The following DERA variants were observed in gnomAD, a reference collection of about 807,000 sequenced individuals.
The protein encoded by DERA is deoxyribose-phosphate aldolase, also known as 2-deoxy-D-ribose 5-phosphate aldolase.
A neutral mutation model predicts 41.1 loss-of-function variants in DERA; 15 were observed. That is an observed-to-expected ratio of 0.37 (90% CI 0.24 to 0.56). The LOEUF (loss-of-function observed/expected upper bound fraction) is 0.56. Among genes scored for constraint, DERA ranks in the 20% least tolerant of loss-of-function variants. DERA has a pLI of 0.81. For missense variants in DERA, 396 were observed against 403.4 expected, an observed-to-expected ratio of 0.98 and a Z score of 0.16; for synonymous variants, 139 against 137.4, an observed-to-expected ratio of 1.01 and a Z score of -0.08.
At position 15,992,499 on chromosome 12, in the gene DERA, G is replaced by A. The variant is rs527727444; in HGVS notation, c.637+10063G>A. On this transcript the variant is annotated intron_variant, in intron 6 of 8. Transcript: ENST00000428559. The surrounding 1 kb of genome is among the most constrained non-coding windows in gnomAD (Gnocchi z 4.3). Reference sequence around the variant, plus strand: ...AGGGAGAACTTTTTGCTTTGGTTTTGGGGTTGAAGAAAAATTGATCTTCCA... The same window carrying A: ...AGGGAGAACTTTTTGCTTTGGTTTTAGGGTTGAAGAAAAATTGATCTTCCA... 4.6e-5 allele frequency among the ~76,000 whole-genome samples: 7 copies of A among 152,226 alleles called. No homozygotes were observed. The South Asian group carries it at 1.5e-3, about 32-fold the overall frequency.
intron 1 of DERA, among the ~76,000 whole-genome samples, chr12:15,929,281 G>T (rs1313415667): frequency 6.6e-6 from 1 of 152,200 alleles, no homozygotes; most frequent in Non-Finnish European, 1.5e-5. Flanking sequence ...AAAACCAGCC[G>T]CCTTGTCAAA....
At position 16,010,471 on chromosome 12, in the gene DERA, T is replaced by G. The variant is rs371298994; in HGVS notation, c.638-22071T>G. On this transcript the variant is annotated intron_variant, in intron 6 of 8. Transcript: ENST00000428559. The surrounding 1 kb of genome is among the most constrained non-coding windows in gnomAD (Gnocchi z 5.5). The stretch of plus-strand genomic sequence containing the variant: ...TACCCATAGATGAGGTTTTCCGAGT[T>G]CTGCTGCTTTCCCCTTTGCCAGCAT... Among the ~76,000 whole-genome samples the G allele has an allele frequency of 9.2e-5, 14 of 151,712 alleles. No homozygotes were observed. Among genetic ancestry groups the G allele is most frequent in the South Asian group, 4.2e-4 (2 of 4,804 alleles).
In DERA at chr12:16,000,228, C is replaced by T. The variant is rs1948865366; in HGVS notation, c.637+17792C>T. On this transcript the variant is annotated intron_variant, in intron 6 of 8. Coordinates refer to ENST00000428559, the MANE Select transcript of DERA (RefSeq NM_015954.4). The surrounding 1 kb of genome is among the most constrained non-coding windows in gnomAD (Gnocchi z 4.8). ...CCTCTGTTTCCATTTATAAGACCTG[C>T]ACCCGTTCATTCTATTATTGGTTTA... Among the ~76,000 whole-genome samples the T allele has an allele frequency of 6.6e-6, 1 of 152,192 alleles. No individual in the cohort carries two copies. Among genetic ancestry groups the T allele is most frequent in the South Asian group, 2.1e-4 (1 of 4,824 alleles).
chr12:15,938,320 C>T lies in DERA; in HGVS notation c.32-18616C>T, dbSNP rs1044471955. On this transcript the variant is annotated intron_variant, in intron 1 of 8. Transcript: ENST00000428559. This position sits in a 1 kb window ranked among gnomAD's most constrained non-coding sequence, Gnocchi z 4.1. ...TTAAAAATATTGAATGATACATTGC[C>T]TTTATTTTATTGGTAGATCTTCTGT... Among the ~76,000 whole-genome samples, 2 of 152,070 alleles carry T rather than the reference C, an allele frequency of 1.3e-5. No homozygotes were observed. Among genetic ancestry groups the T allele is most frequent in the Admixed American group, 1.3e-4 (2 of 15,258 alleles).
At chr12:15,937,486 C>A (rs1396207879) in intron 1 of DERA, among the ~76,000 whole-genome samples, 2 of 152,198 alleles carry the variant, frequency 1.3e-5, no homozygotes, top group Non-Finnish European at 2.9e-5. Flanking sequence ...CTTTGACCTG[C>A]ATGTCCTGTA....
At position 16,000,718 on chromosome 12, in the gene DERA, T is replaced by C. The variant is rs1240363179; in HGVS notation, c.637+18282T>C. ...AGGCTGTTTGTAGAACGTTAGCTGC[T>C]ATCACACTGGCTTGATATTAACATT... On this transcript the variant is annotated intron_variant, in intron 6 of 8. Transcript: ENST00000428559. This position sits in a 1 kb window ranked among gnomAD's most constrained non-coding sequence, Gnocchi z 4.8. Among the ~76,000 whole-genome samples the C allele has an allele frequency of 6.6e-6, 1 of 152,236 alleles. No homozygotes were observed. Among genetic ancestry groups the C allele is most frequent in the Non-Finnish European group, 1.5e-5 (1 of 68,042 alleles).
intron 1 of DERA, among the ~76,000 whole-genome samples, chr12:15,917,665 C>G (rs1169077149): frequency 6.6e-6 from 1 of 152,086 alleles, no homozygotes; most frequent in African/African-American, 2.4e-5. Context: ...AGTTTTTTAC[C>G]CTTTGCTTTA....
chr12:16,010,252 C>T lies in DERA; in HGVS notation c.638-22290C>T, dbSNP rs1948938374. ...TCATATGCAGAGTGGATCCAGGTTG[C>T]GTGCATGCTTAGTATTAATGCATGA... On this transcript the variant is annotated intron_variant, in intron 6 of 8. Coordinates refer to ENST00000428559, the MANE Select transcript of DERA (RefSeq NM_015954.4). The surrounding 1 kb of genome is among the most constrained non-coding windows in gnomAD (Gnocchi z 5.5). Among the ~76,000 whole-genome samples the T allele has an allele frequency of 1.3e-5, 2 of 152,288 alleles. No individual in the cohort carries two copies. Among genetic ancestry groups the T allele is most frequent in the African/African-American group, 2.4e-5 (1 of 41,548 alleles).
At position 16,010,253 on chromosome 12, in the gene DERA, G is replaced by T. The variant is rs1948938397; in HGVS notation, c.638-22289G>T. Among the ~76,000 whole-genome samples the T allele has an allele frequency of 6.6e-6, 1 of 152,170 alleles. No individual in the cohort carries two copies. The highest frequency in any genetic ancestry group is 6.5e-5 in the Admixed American group (1 of 15,286). On this transcript the variant is annotated intron_variant, in intron 6 of 8. Transcript: ENST00000428559. This position sits in a 1 kb window ranked among gnomAD's most constrained non-coding sequence, Gnocchi z 5.5. Reference sequence around the variant, plus strand: ...CATATGCAGAGTGGATCCAGGTTGCGTGCATGCTTAGTATTAATGCATGAC... The same window carrying T: ...CATATGCAGAGTGGATCCAGGTTGCTTGCATGCTTAGTATTAATGCATGAC...
At position 15,915,286 on chromosome 12, in the gene DERA, T is replaced by C. The variant is rs1948191081; in HGVS notation, c.31+3872T>C. On this transcript the variant is annotated intron_variant, in intron 1 of 8. Transcript: ENST00000428559. This position sits in a 1 kb window ranked among gnomAD's most constrained non-coding sequence, Gnocchi z 4.8. ...AGAATGTCCTGGGCCTTTTGCATTA[T>C]AATTTTTAATTTCCTTTTAAAAGAA... Among the ~76,000 whole-genome samples the C allele has an allele frequency of 6.6e-6, 1 of 152,216 alleles. No individual in the cohort carries two copies.
intron 1 of DERA, among the ~76,000 whole-genome samples, chr12:15,933,543 A>G (rs1184555976): frequency 2.0e-5 from 3 of 152,242 alleles, no homozygotes; most frequent in Non-Finnish European, 4.4e-5. Context: ...AATCTGATCA[A>G]ATCGATGACT....
chr12:15,937,615 A>G (rs1948378356), intron 1 of DERA, among the ~76,000 whole-genome samples: 2 of 152,142 alleles, frequency 1.3e-5, no homozygotes, highest in African/African-American at 4.8e-5. Context: ...AAAATAATGT[A>G]GTTTGCTTTA....
At chr12:15,914,490 G>A (rs1000210231) in intron 1 of DERA, among the ~76,000 whole-genome samples, 18 of 152,044 alleles carry the variant, frequency 1.2e-4, no homozygotes, top group African/African-American at 3.4e-4. Context: ...CCTGGTCCCC[G>A]TGTATGGTTG....
intron 1 of DERA, among the ~76,000 whole-genome samples, chr12:15,930,330 C>T (rs184060562): frequency 2.0e-5 from 3 of 152,268 alleles, no homozygotes; most frequent in African/African-American, 7.2e-5. Flanking sequence ...TATTCAATAC[C>T]TTTATGCTGA....
intron 7 of DERA, among the ~76,000 whole-genome samples, chr12:16,034,238 G>A (rs1293475966): frequency 6.6e-6 from 1 of 152,120 alleles, no homozygotes; most frequent in Non-Finnish European, 1.5e-5. Flanking sequence ...ACATTTATTG[G>A]GTAGTTAACC....
rs2136137344 is a variant in DERA, at chr12:15,943,203, T to G, written c.32-13733T>G. Among the ~76,000 whole-genome samples, 1 of 152,334 alleles carries G rather than the reference T, an allele frequency of 6.6e-6. No individual in the cohort carries two copies. Among genetic ancestry groups the G allele is most frequent in the African/African-American group, 2.4e-5 (1 of 41,582 alleles). On this transcript the variant is annotated intron_variant, in intron 1 of 8. Coordinates refer to ENST00000428559, the MANE Select transcript of DERA (RefSeq NM_015954.4). The surrounding 1 kb of genome is among the most constrained non-coding windows in gnomAD (Gnocchi z 4.5). ...TTACAGATGCTTCTGAATCTTTGAC[T>G]TTTCACTCTCCAGGTGAGAATAACA...
Position 15,936,592 on chromosome 12 carries a change from C to T in DERA, c.32-20344C>T, listed in dbSNP as rs1014824779. Among the ~76,000 whole-genome samples the T allele has an allele frequency of 2.6e-5, 4 of 152,196 alleles. No homozygotes were observed. Among genetic ancestry groups the T allele is most frequent in the Non-Finnish European group, 5.9e-5 (4 of 68,034 alleles). The stretch of plus-strand genomic sequence containing the variant: ...CAAATTTGAAATAATTCCTGGTTAA[C>T]ATCTAATACTGAGACCATATTTAAA... On this transcript the variant is annotated intron_variant, in intron 1 of 8. Coordinates refer to ENST00000428559, the MANE Select transcript of DERA (RefSeq NM_015954.4). This position sits in a 1 kb window ranked among gnomAD's most constrained non-coding sequence, Gnocchi z 4.6.
chr12:16,016,151 A>G (rs1948980710), intron 6 of DERA, among the ~76,000 whole-genome samples: 1 of 152,192 alleles, frequency 6.6e-6, no homozygotes, highest in African/African-American at 2.4e-5. Flanking sequence ...TGATATCTCT[A>G]AAGGGGCTTT....
intron 6 of DERA, among the ~76,000 whole-genome samples, chr12:16,018,458 C>A (rs1948998559): frequency 6.6e-6 from 1 of 152,106 alleles, no homozygotes; most frequent in Admixed American, 6.6e-5. Flanking sequence ...AAATGTTCAT[C>A]TTGTTCTATT....
Sources: allele counts gnomAD v4.1 joint callset (sites outside exome capture counted in the v4.1 genomes callset), GRCh38; gene constraint gnomAD v4.1.1; non-coding constraint Gnocchi (gnomAD v3.1); transcripts MANE v1.5; gene names NCBI Gene and HGNC (gene_info 2026-07-23, HGNC 2026-07-21).